TG: variants seen among roughly 807,000 people sequenced by gnomAD.
TG encodes the protein thyroid hormones.
TG carries 270 observed loss-of-function variants against 324.7 expected under a neutral mutation model. The ratio of observed to expected loss-of-function variants is 0.83; its 90% CI spans 0.75 to 0.92. The LOEUF (loss-of-function observed/expected upper bound fraction) is 0.92. TG is among the 40% of genes least tolerant of loss of function. The pLI, the probability that TG is intolerant of heterozygous loss-of-function variation, is 0.00. For missense variants in TG, 3,591 were observed against 3,456.4 expected (o/e 1.04, Z -0.98); for synonymous variants, 1,401 against 1,327.0 (o/e 1.06, Z -1.21).
chr8:133,070,345 T>C (rs1843810912), intron 41 of TG, among the ~76,000 whole-genome samples: 1 of 145,006 alleles, frequency 6.9e-6, no homozygotes, highest in Non-Finnish European at 1.6e-5. Flanking sequence ...AGCATCTGTT[T>C]TTGGAACAGT....
intron 18 of TG, among the ~76,000 whole-genome samples, chr8:132,910,594 A>C (rs1563943367): frequency 6.6e-6 from 1 of 151,822 alleles, no homozygotes; most frequent in African/African-American, 2.4e-5. Flanking sequence ...TATAAAAGAG[A>C]CCCAGAGAGA....
intron 21 of TG, among the ~76,000 whole-genome samples, chr8:132,922,647 A>T (rs1821272050): frequency 6.6e-6 from 1 of 152,210 alleles, no homozygotes; most frequent in African/African-American, 2.4e-5. Flanking sequence ...AACAGCAGAA[A>T]TTTATTTCTC....
chr8:133,075,720 C>T (rs1844766233), intron 41 of TG, among the ~76,000 whole-genome samples: 1 of 152,084 alleles, frequency 6.6e-6, no homozygotes, highest in Non-Finnish European at 1.5e-5. Context: ...GTGGTTTCTG[C>T]CATAGAAGTA....
chr8:133,060,394 T>G lies in TG; in HGVS notation c.7239+30371T>G, dbSNP rs1415451339. 14 of 1,517,836 alleles carry G rather than the reference T, an allele frequency of 9.2e-6. No homozygotes were observed. The Admixed American group carries it at 2.9e-4, about 31-fold the overall frequency. The allele number at this position is 1,517,836 out of a possible 1,614,324, so 94.0% of individuals were successfully genotyped here. ...AGCTCAAGTTCTTTTATCAAGGGAA[T>G]GACAGAAAAACCACAGAGAGGGAAG... On this transcript the variant is annotated intron_variant, in intron 41 of 47. Coordinates refer to ENST00000220616, the MANE Select transcript of TG (RefSeq NM_003235.5).
chr8:132,940,199 G>T (rs578114561), intron 25 of TG, among the ~76,000 whole-genome samples: 1 of 152,262 alleles, frequency 6.6e-6, no homozygotes, highest in African/African-American at 2.4e-5. Flanking sequence ...GGGGTGATCT[G>T]CCAGACTGAC....
chr8:133,038,426 G>T, intron 41 of TG: 1 of 906,578 alleles, frequency 1.1e-6, no homozygotes, highest in Non-Finnish European at 1.8e-6. Flanking sequence ...AAATACGTGA[G>T]GCTCCCAGGG....
chr8:132,934,407 T>C (rs1390251165), intron 24 of TG, among the ~76,000 whole-genome samples: 3 of 152,192 alleles, frequency 2.0e-5, no homozygotes, highest in African/African-American at 7.2e-5. Context: ...CCACATAACA[T>C]TGCTGTTCTG....
intron 32 of TG, among the ~76,000 whole-genome samples, chr8:132,969,846 G>T (rs1829229920): frequency 1.3e-5 from 2 of 149,144 alleles, no homozygotes; most frequent in Admixed American, 1.3e-4. Flanking sequence ...CTCAGGAGGT[G>T]GAGGTTGCAG....
rs370837735 is a variant in TG at position 132,994,789 on chromosome 8, C to T, written c.6262+11377C>T. On this transcript the variant is annotated intron_variant, in intron 35 of 47. Coordinates refer to ENST00000220616, the MANE Select transcript of TG (RefSeq NM_003235.5). ...GAGGGCTTCCGTATAACTGGAGTAC[C>T]TGGTGTCATGGGAAGGTGAGATGGG... 618 of 1,287,230 alleles carry T rather than the reference C, an allele frequency of 4.8e-4. 2 individuals carry two copies. In the African/African-American group the frequency reaches 6.3e-3, roughly 13 times the overall value. The allele number at this position is 1,287,230 out of a possible 1,614,324, so 79.7% of individuals were successfully genotyped here.
At chr8:132,903,772 G>A (rs1012934249) in intron 16 of TG, among the ~76,000 whole-genome samples, 2 of 152,172 alleles carry the variant, frequency 1.3e-5, no homozygotes, top group Admixed American at 1.3e-4. Context: ...TTGAATGGCA[G>A]CTCCACCACT....
chr8:133,034,273 T>G (rs139882768), intron 41 of TG, among the ~76,000 whole-genome samples: 10 of 152,232 alleles, frequency 6.6e-5, no homozygotes, highest in Admixed American at 6.5e-4. Flanking sequence ...ACTGTAACCA[T>G]GAACGTAGTA....
Position 132,906,791 on chromosome 8 carries a change from A to C in TG, c.3738A>C (p.Gln1246His). 1 of 1,614,196 alleles carries C rather than the reference A, an allele frequency of 6.2e-7. No homozygotes were observed. Among genetic ancestry groups the C allele is most frequent in the Non-Finnish European group, 8.5e-7 (1 of 1,180,044 alleles). Residue 1246 changes from glutamine (Q) to histidine (H), a missense_variant, in exon 17 of 48, where the codon CAA becomes CAC. Gln to His is a conservative substitution (Grantham distance 24). Coordinates refer to ENST00000220616, the MANE Select transcript of TG (RefSeq NM_003235.5). ...GPTGSAMQQC[Q>H]LLCRQGSWSV... ...CAGGCTCTGCCATGCAGCAGTGCCA[A>C]TTGCTGTGCCGCCAGGGCTCCTGGA...
intron 39 of TG, among the ~76,000 whole-genome samples, chr8:133,020,065 A>T (rs1835421007): frequency 6.6e-6 from 1 of 152,256 alleles, no homozygotes; most frequent in Non-Finnish European, 1.5e-5. Context: ...TGATTGACAG[A>T]AAAATGGAGA....
chr8:132,968,041 C>T lies in TG; in HGVS notation c.5863+71C>T, dbSNP rs182926038. The T allele has an allele frequency of 9.5e-5, 147 of 1,547,064 alleles. No homozygotes were observed. The African/African-American group carries it at 1.7e-3, about 18-fold the overall frequency. ...GCTGGCTCTGTGGTTTTAGAAAGAT[C>T]CACATTAGTTTCTTATTTAAAAAAC... On this transcript the variant is annotated intron_variant, in intron 31 of 47. Coordinates refer to ENST00000220616, the MANE Select transcript of TG (RefSeq NM_003235.5).
At chr8:132,898,320 C>A in intron 13 of TG, 74 bp downstream of exon 13, 1 of 1,432,280 alleles carries the variant, frequency 7.0e-7, no homozygotes, top group Non-Finnish European at 9.6e-7. Context: ...CTGTGGTTGC[C>A]TAACCGCTGG....
chr8:133,111,100 C>T (rs955387898), intron 43 of TG, among the ~76,000 whole-genome samples: 11 of 152,232 alleles, frequency 7.2e-5, no homozygotes, highest in African/African-American at 2.2e-4. Flanking sequence ...AAACTCAATG[C>T]TCTTTTCACT....
chr8:132,889,394 A>G (rs1815901528), intron 10 of TG, among the ~76,000 whole-genome samples: 1 of 152,260 alleles, frequency 6.6e-6, no homozygotes, highest in Non-Finnish European at 1.5e-5. Context: ...GTTAAAATCC[A>G]TTAGACTATT....
chr8:133,016,354 G>T (rs761519871), intron 37 of TG, among the ~76,000 whole-genome samples: 1 of 152,168 alleles, frequency 6.6e-6, no homozygotes, highest in Non-Finnish European at 1.5e-5. Context: ...AACAGCCCTT[G>T]TCTCTCCCAC....
intron 41 of TG, among the ~76,000 whole-genome samples, chr8:133,066,370 A>G (rs1386347044): frequency 1.3e-5 from 2 of 152,048 alleles, no homozygotes; most frequent in East Asian, 3.9e-4. Flanking sequence ...GAACAAAACA[A>G]AAGAAAAGAA....
Sources: gnomAD v4.1 joint callset for allele counts (sites outside exome capture counted in the v4.1 genomes callset) on GRCh38, gnomAD v4.1.1 for gene constraint, MANE v1.5 for transcripts, NCBI Gene and HGNC (gene_info 2026-07-23, HGNC 2026-07-21) for gene names.